Variants in CSNK1G1 observed in about 807,000 individuals in gnomAD.
CSNK1G1 encodes casein kinase 1 gamma 1, also known as casein kinase I isoform gamma-1.
CSNK1G1 carries 22 observed loss-of-function variants against 59.6 expected under a neutral mutation model. The observed-to-expected ratio is 0.37, with a 90% CI of 0.26 to 0.53. The LOEUF is 0.53. CSNK1G1 is among the 20% of genes least tolerant of loss of function. The probability of loss-of-function intolerance (pLI) is 0.89; values close to 1 mark genes in which losing one functional copy is unlikely to be tolerated. For synonymous variants in CSNK1G1, 179 were observed against 177.1 expected (o/e 1.01, Z -0.08); for missense variants, 384 against 519.5 (o/e 0.74, Z 2.54).
At position 64,168,945 on chromosome 15, in the gene CSNK1G1, C is replaced by G. The variant is rs1050663769; in HGVS notation, c.*2986G>C. On this transcript the variant is annotated 3_prime_UTR_variant, in exon 12 of 12. Transcript: ENST00000303052. Reference sequence around the variant, plus strand: ...CTGCATGCTAAAGGGACCTGGGATTCTTTACCCTTGTTATAAAAACCAAAT... The same window carrying G: ...CTGCATGCTAAAGGGACCTGGGATTGTTTACCCTTGTTATAAAAACCAAAT... 6.6e-6 allele frequency: 1 copy of G among 152,612 alleles called. No individual in the cohort carries two copies. Among genetic ancestry groups the G allele is most frequent in the Non-Finnish European group, 1.5e-5 (1 of 68,038 alleles). The allele number at this position is 152,612 out of a possible 1,614,324, so 9.5% of individuals were successfully genotyped here. A position where few individuals can be genotyped will look rare whatever the true frequency, so the allele number is the denominator to read the frequency against.
intron 1 of CSNK1G1, among the ~76,000 whole-genome samples, chr15:64,320,252 T>C (rs1430753123): frequency 6.6e-6 from 1 of 151,818 alleles, no homozygotes; most frequent in Non-Finnish European, 1.5e-5. Flanking sequence ...AACAAATGCA[T>C]TAATGAAGAG....
At position 64,300,382 on chromosome 15, in the gene CSNK1G1, C is replaced by T. The variant is rs1335750528; in HGVS notation, c.118G>A (p.Val40Met). Residue 40 changes from valine to methionine, a missense_variant, in exon 2 of 12, where the codon GTG becomes ATG. Physicochemically the swap from Val to Met is conservative, Grantham distance 21. Around this residue, in one of 3 missense-constraint regions of CSNK1G1, gnomAD observed 56 missense variants for 60.8 expected, o/e 0.92. Coordinates refer to ENST00000303052, the MANE Select transcript of CSNK1G1 (RefSeq NM_022048.5). ...GSSSSSGVLM[V>M]GPNFRVGKKI... is the part of the protein sequence containing the mutation. ...TTGCCAACCCTGAAGTTGGGTCCCA[C>T]CATAAGAACCCCAGAGGACGATGAG... is the stretch of plus-strand genomic sequence containing the variant. 1 of 1,614,170 alleles carries T rather than the reference C, an allele frequency of 6.2e-7. No individual in the cohort carries two copies. Among genetic ancestry groups the T allele is most frequent in the Non-Finnish European group, 8.5e-7 (1 of 1,180,030 alleles).
At chr15:64,315,084 A>G (rs1288711048) in intron 1 of CSNK1G1, among the ~76,000 whole-genome samples, 2 of 152,230 alleles carry the variant, frequency 1.3e-5, no homozygotes, top group African/African-American at 4.8e-5. Flanking sequence ...ACTAACTTAC[A>G]TTCTTACTCT....
At chr15:64,313,843 A>C (rs1896127556) in intron 1 of CSNK1G1, among the ~76,000 whole-genome samples, 1 of 145,762 alleles carries the variant, frequency 6.9e-6, no homozygotes, top group Admixed American at 7.1e-5. Flanking sequence ...TCTTAAAAAT[A>C]AAAGTTAGAA....
chr15:64,273,688 G>C (rs1893450654), intron 2 of CSNK1G1, among the ~76,000 whole-genome samples: 1 of 150,810 alleles, frequency 6.6e-6, no homozygotes, highest in Non-Finnish European at 1.5e-5. Flanking sequence ...ATTGTCTTGG[G>C]CCACACATAA....
At chr15:64,266,564 A>C (rs1315532609) in intron 2 of CSNK1G1, among the ~76,000 whole-genome samples, 1 of 152,180 alleles carries the variant, frequency 6.6e-6, no homozygotes, top group Non-Finnish European at 1.5e-5. Context: ...AAATAGCCAA[A>C]ATAATCTTGG....
At position 64,176,172 on chromosome 15, in the gene CSNK1G1, T is replaced by G. The variant is rs2081739345; in HGVS notation, c.1214+4176A>C. ...GCACAAGGAGTCCTATGGAAGCTAT[T>G]TAATGTTCCTAAGGCATTTTGTTTG... On this transcript the variant is annotated intron_variant, in intron 11 of 11. Transcript: ENST00000303052. This position sits in a 1 kb window ranked among gnomAD's most constrained non-coding sequence, Gnocchi z 5.2. 2.5e-6 allele frequency: 1 copy of G among 398,566 alleles called. No individual in the cohort carries two copies. The highest frequency in any genetic ancestry group is 4.4e-5 in the Admixed American group (1 of 22,716). The allele number at this position is 398,566 out of a possible 1,614,324, so 24.7% of individuals were successfully genotyped here. A position where few individuals can be genotyped will look rare whatever the true frequency, so the allele number is the denominator to read the frequency against.
At chr15:64,308,449 C>A (rs538085470) in intron 1 of CSNK1G1, among the ~76,000 whole-genome samples, 77 of 132,572 alleles carry the variant, frequency 5.8e-4, no homozygotes, top group African/African-American at 2.0e-3. Flanking sequence ...TTAAAGGGAG[C>A]CAAAGCAAAA....
At chr15:64,353,596 G>A (rs952069470) in intron 1 of CSNK1G1, among the ~76,000 whole-genome samples, 2 of 148,884 alleles carry the variant, frequency 1.3e-5, no homozygotes, top group Admixed American at 6.8e-5. Context: ...TCAGTGAGCC[G>A]AGATCGTGCC....
At chr15:64,199,448 C>G (rs535614991) in intron 10 of CSNK1G1, among the ~76,000 whole-genome samples, 1 of 152,242 alleles carries the variant, frequency 6.6e-6, no homozygotes, top group East Asian at 1.9e-4. Flanking sequence ...AGTTTTTACC[C>G]TGACAACCGA....
Position 64,188,354 on chromosome 15 carries a change from G to A in CSNK1G1, c.1108-7900C>T, listed in dbSNP as rs2081925681. 2.6e-6 allele frequency: 4 copies of A among 1,514,626 alleles called. No individual in the cohort carries two copies. Among genetic ancestry groups the A allele is most frequent in the Non-Finnish European group, 3.5e-6 (4 of 1,128,726 alleles). The allele number at this position is 1,514,626 out of a possible 1,614,324, so 93.8% of individuals were successfully genotyped here. On this transcript the variant is annotated intron_variant, in intron 10 of 11. Coordinates refer to ENST00000303052, the MANE Select transcript of CSNK1G1 (RefSeq NM_022048.5). The surrounding 1 kb of genome is among the most constrained non-coding windows in gnomAD (Gnocchi z 4.2). ...AGCCAAGCTGGAAAGGCCAGGAAAA[G>A]GCAATAAAGGCAGTAAATACCTGCA...
Position 64,310,427 on chromosome 15 carries a change from A to T in CSNK1G1, c.-224-9704T>A, listed in dbSNP as rs191889078. Among the ~76,000 whole-genome samples the T allele has an allele frequency of 4.3e-4, 65 of 151,958 alleles. No homozygotes were observed. The East Asian group carries it at 7.8e-3, about 18-fold the overall frequency. ...TTTAAATAACTGTTTAAAAAAAAAA[A>T]AGTTTAGCCTGGGCACGGTGGCTCA... On this transcript the variant is annotated intron_variant, in intron 1 of 11. Transcript: ENST00000303052.
At chr15:64,215,921 T>G in intron 5 of CSNK1G1, among the ~76,000 whole-genome samples, 1 of 152,148 alleles carries the variant, frequency 6.6e-6, no homozygotes, top group Non-Finnish European at 1.5e-5. Flanking sequence ...TGACAAAACC[T>G]TACAGCTATA....
chr15:64,180,215 A>G (rs1221491136), intron 11 of CSNK1G1, 133 bp downstream of exon 11: 5 of 670,418 alleles, frequency 7.5e-6, no homozygotes, highest in Non-Finnish European at 1.3e-5. Context: ...TGCAAAAATT[A>G]AAACAGTTAA....
chr15:64,352,063 T>C (rs1898324254), intron 1 of CSNK1G1, among the ~76,000 whole-genome samples: 1 of 151,896 alleles, frequency 6.6e-6, no homozygotes, highest in Non-Finnish European at 1.5e-5. Flanking sequence ...TCCCAGCACC[T>C]TGGGAGGCCA....
chr15:64,352,455 T>C, intron 1 of CSNK1G1, among the ~76,000 whole-genome samples: 1 of 131,336 alleles, frequency 7.6e-6, no homozygotes, highest in Non-Finnish European at 1.7e-5. Context: ...TTCTTTTTTT[T>C]TTTTTTTTTT....
At chr15:64,198,192 C>CTTTTTT (rs893282431) in intron 10 of CSNK1G1, among the ~76,000 whole-genome samples, 2 of 110,590 alleles carry the variant, frequency 1.8e-5, no homozygotes, top group Non-Finnish European at 3.6e-5. Context: ...ACAGGATATA[C>CTTTTTT]TTTTTTTTTT....
chr15:64,305,492 G>A (rs764021374), intron 1 of CSNK1G1, among the ~76,000 whole-genome samples: 10 of 151,974 alleles, frequency 6.6e-5, no homozygotes, highest in Non-Finnish European at 1.2e-4. Context: ...ACAGTGGGGA[G>A]AATCACTTGA....
intron 2 of CSNK1G1, among the ~76,000 whole-genome samples, chr15:64,260,720 A>T (rs1278865397): frequency 6.6e-6 from 1 of 152,190 alleles, no homozygotes; most frequent in East Asian, 1.9e-4. Context: ...CCTGGGCAAC[A>T]GAGTGAGACT....
Sources: allele counts gnomAD v4.1 joint callset (sites outside exome capture counted in the v4.1 genomes callset), GRCh38; gene constraint gnomAD v4.1.1; regional missense constraint gnomAD v4.1.1; non-coding constraint Gnocchi (gnomAD v3.1); transcripts MANE v1.5; gene names NCBI Gene and HGNC (gene_info 2026-07-23, HGNC 2026-07-21).